The following ZDHHC17 variants were observed in gnomAD, a reference collection of about 807,000 sequenced individuals.
ZDHHC17 encodes palmitoyltransferase ZDHHC17.
ZDHHC17 carries 40 observed loss-of-function variants against 90.3 expected under a neutral mutation model. The observed-to-expected ratio is 0.44, with a 90% CI of 0.34 to 0.58. The LOEUF (loss-of-function observed/expected upper bound fraction) is 0.58. ZDHHC17 is among the 20% of genes least tolerant of loss of function. ZDHHC17 has a pLI of 0.01. For missense variants in ZDHHC17, 614 were observed against 780.8 expected, an observed-to-expected ratio of 0.79 and a Z score of 2.55; for synonymous variants, 235 against 252.4, an observed-to-expected ratio of 0.93 and a Z score of 0.65.
At position 76,843,043 on chromosome 12, in the gene ZDHHC17, C is replaced by A; in HGVS notation, c.1329+62C>A. The A allele has an allele frequency of 4.5e-6, 6 of 1,341,190 alleles. No individual in the cohort carries two copies. In the South Asian group the frequency reaches 5.0e-5, roughly 11 times the overall value. 83.1% of individuals were successfully genotyped at this position (1,341,190 alleles called of 1,614,324 possible). A position where few individuals can be genotyped will look rare whatever the true frequency, so the allele number is the denominator to read the frequency against. ...TCCTCCTGACAGTGGCATAGCATAG[C>A]GGGTATGGGGTGTGGGGAAAAGGAA... is the stretch of plus-strand genomic sequence containing the variant. On this transcript the variant is annotated intron_variant, in intron 12 of 16. Coordinates refer to ENST00000426126, the MANE Select transcript of ZDHHC17 (RefSeq NM_015336.4).
At chr12:76,824,430 G>A (rs1953206530) in intron 8 of ZDHHC17, among the ~76,000 whole-genome samples, 1 of 151,898 alleles carries the variant, frequency 6.6e-6, no homozygotes, top group Non-Finnish European at 1.5e-5. Flanking sequence ...ATGATTAGGG[G>A]ACCTGTGAGA....
At position 76,853,334 on chromosome 12, in the gene ZDHHC17, A is replaced by T. The variant is rs986586180; in HGVS notation, c.*2349A>T. On this transcript the variant is annotated 3_prime_UTR_variant, in exon 17 of 17. Transcript: ENST00000426126. ...TATAAACCCAGTTCTAAAGTTGTGT[A>T]TGATGGTGAACCTTTGGGAATAGTT... The T allele has an allele frequency of 2.0e-5, 3 of 152,622 alleles. No individual in the cohort carries two copies. Among genetic ancestry groups the T allele is most frequent in the Non-Finnish European group, 4.4e-5 (3 of 68,004 alleles). The allele number at this position is 152,622 out of a possible 1,614,324, so 9.5% of individuals were successfully genotyped here.
chr12:76,779,880 T>C (rs556397460), intron 1 of ZDHHC17, among the ~76,000 whole-genome samples: 2 of 152,174 alleles, frequency 1.3e-5, no homozygotes, highest in East Asian at 3.9e-4. Context: ...CTTTTTTCTT[T>C]TTTTTTTGCC....
intron 8 of ZDHHC17, among the ~76,000 whole-genome samples, chr12:76,824,088 G>A (rs4444124): frequency 0.61 from 91,842 of 151,008 alleles, 27,908 homozygotes; most frequent in East Asian, 0.66. Flanking sequence ...TTTTATATAT[G>A]TATATTCACA....
intron 8 of ZDHHC17, among the ~76,000 whole-genome samples, chr12:76,825,842 T>C (rs1310751175): frequency 6.6e-6 from 1 of 152,170 alleles, no homozygotes; most frequent in East Asian, 1.9e-4. Context: ...TTTTTTCTTT[T>C]GGTGTGTGTG....
At chr12:76,782,018 C>T (rs184404869) in intron 1 of ZDHHC17, among the ~76,000 whole-genome samples, 12 of 152,190 alleles carry the variant, frequency 7.9e-5, no homozygotes, top group Admixed American at 7.2e-4. Context: ...GATAAAGCTG[C>T]ATTATAAAGA....
chr12:76,838,040 A>C (rs1462071013), intron 10 of ZDHHC17, among the ~76,000 whole-genome samples: 2 of 151,476 alleles, frequency 1.3e-5, no homozygotes, highest in Non-Finnish European at 2.9e-5. Flanking sequence ...CATCTTTATA[A>C]ATTTTTAGTT....
chr12:76,799,084 A>G (rs1253924910), intron 2 of ZDHHC17, among the ~76,000 whole-genome samples: 1 of 152,106 alleles, frequency 6.6e-6, no homozygotes, highest in Non-Finnish European at 1.5e-5. Context: ...CTGCAGTGAG[A>G]TATAGTCATG....
At chr12:76,820,916 C>A in intron 7 of ZDHHC17, 1 of 450,104 alleles carries the variant, frequency 2.2e-6, no homozygotes, top group South Asian at 1.9e-5. Context: ...AGACTTAACT[C>A]AGAACCCTGG....
rs1953227914 is a variant in ZDHHC17, at chr12:76,826,201, C to G, written c.898-707C>G. 2.6e-5 allele frequency among the ~76,000 whole-genome samples: 4 copies of G among 152,078 alleles called. No homozygotes were observed. In the South Asian group the frequency reaches 8.3e-4, roughly 32 times the overall value. On this transcript the variant is annotated intron_variant, in intron 8 of 16. Transcript: ENST00000426126. ...GCTATAAGTTTGTGAAGGGCTCTTA[C>G]ATGGAAGAGGCAGTAGACTTTCTTT...
chr12:76,776,393 T>G (rs1045603587), intron 1 of ZDHHC17, among the ~76,000 whole-genome samples: 1 of 152,170 alleles, frequency 6.6e-6, no homozygotes, highest in Non-Finnish European at 1.5e-5. Flanking sequence ...CACAAACTTC[T>G]CTCACTCCTC....
intron 2 of ZDHHC17, among the ~76,000 whole-genome samples, chr12:76,800,058 G>C (rs1232756123): frequency 6.6e-6 from 1 of 152,176 alleles, no homozygotes; most frequent in African/African-American, 2.4e-5. Context: ...TGCTCAAAAA[G>C]TTTAGGATTT....
At chr12:76,792,316 A>C (rs1422178271) in intron 1 of ZDHHC17, among the ~76,000 whole-genome samples, 3 of 152,230 alleles carry the variant, frequency 2.0e-5, no homozygotes, top group Non-Finnish European at 4.4e-5. Context: ...GACGGATTAC[A>C]CTTATACCAC....
At chr12:76,849,344 A>AAAAAAAAAAAAGAATAAT in intron 15 of ZDHHC17, 32 bp from the exon 16 acceptor site, 1 of 1,133,322 alleles carries the variant, frequency 8.8e-7, no homozygotes, top group Non-Finnish European at 1.2e-6. Flanking sequence ...AAAAAAAACA[A>AAAAAAAAAAAAGAATAAT]GAATAATGGT....
At chr12:76,821,648 G>A (rs963157653) in intron 7 of ZDHHC17, among the ~76,000 whole-genome samples, 6 of 152,038 alleles carry the variant, frequency 3.9e-5, no homozygotes, top group African/African-American at 7.2e-5. Context: ...TAAATAAATG[G>A]AAATGTAGGT....
At chr12:76,801,402 C>T (rs1289690961) in intron 2 of ZDHHC17, among the ~76,000 whole-genome samples, 3 of 151,712 alleles carry the variant, frequency 2.0e-5, no homozygotes, top group Admixed American at 2.0e-4. Flanking sequence ...GCCTGTAATC[C>T]CAGCACTTTG....
In ZDHHC17 at chr12:76,767,909, T is replaced by TA. The variant is rs577647746; in HGVS notation, c.93+3594dup. Among the ~76,000 whole-genome samples the TA allele has an allele frequency of 1.3e-3, 182 of 143,848 alleles. 1 individual carries two copies. Among genetic ancestry groups the TA allele is most frequent in the African/African-American group, 1.6e-3 (64 of 39,310 alleles). The allele number at this position is 143,848 out of a possible 152,430, so 94.4% of individuals were successfully genotyped here. ...CTGGGCAACAAGAGCAAAACTCTCTTAAAAAAAAAAAAAATCCAAAGCTGT... is the reference window on the plus strand; with the variant it reads ...CTGGGCAACAAGAGCAAAACTCTCTTAAAAAAAAAAAAAAATCCAAAGCTGT... On this transcript the variant is annotated intron_variant, in intron 1 of 16. Coordinates refer to ENST00000426126, the MANE Select transcript of ZDHHC17 (RefSeq NM_015336.4).
Position 76,851,701 on chromosome 12 carries a change from A to T in ZDHHC17, c.*716A>T, listed in dbSNP as rs575820918. The T allele has an allele frequency of 6.5e-6, 1 of 152,740 alleles. No individual in the cohort carries two copies. Among genetic ancestry groups the T allele is most frequent in the East Asian group, 1.9e-4 (1 of 5,190 alleles). 9.5% of individuals were successfully genotyped at this position (152,740 alleles called of 1,614,324 possible). On this transcript the variant is annotated 3_prime_UTR_variant, in exon 17 of 17. Transcript: ENST00000426126. ...TATAGTAAGTCATGTTTTTTTGTTC[A>T]AATTTAAAAGCCCTGCTAATTGCAT...
At chr12:76,785,351 C>T (rs12300156) in intron 1 of ZDHHC17, among the ~76,000 whole-genome samples, 1 of 152,064 alleles carries the variant, frequency 6.6e-6, no homozygotes, top group Non-Finnish European at 1.5e-5. Flanking sequence ...TCTTTTGATT[C>T]CATTTTTTTT....
Sources: gnomAD v4.1 joint callset for allele counts (sites outside exome capture counted in the v4.1 genomes callset) on GRCh38, gnomAD v4.1.1 for gene constraint, MANE v1.5 for transcripts, NCBI Gene and HGNC (gene_info 2026-07-23, HGNC 2026-07-21) for gene names.